The following SQOR variants were observed in gnomAD, a reference collection of about 807,000 sequenced individuals.
SQOR encodes sulfide:quinone oxidoreductase, mitochondrial.
A neutral mutation model predicts 48.6 loss-of-function variants in SQOR; 39 were observed. That is an observed-to-expected ratio of 0.80 (90% confidence interval 0.62 to 1.05). The LOEUF is 1.05. Among genes scored for constraint, SQOR ranks in the 50% least tolerant of loss-of-function variants. The probability of loss-of-function intolerance (pLI) is 0.00; values close to 1 mark genes in which losing one functional copy is unlikely to be tolerated. For synonymous variants in SQOR, 220 were observed against 206.2 expected, an observed-to-expected ratio of 1.07 and a Z score of -0.57; for missense variants, 561 against 559.9, an observed-to-expected ratio of 1.00 and a Z score of -0.02.
intron 2 of SQOR, among the ~76,000 whole-genome samples, chr15:45,661,655 A>G (rs1053080384): frequency 6.6e-6 from 1 of 151,742 alleles, no homozygotes; most frequent in African/African-American, 2.4e-5. Flanking sequence ...GCACGTGCAT[A>G]TAACATGTAC....
At chr15:45,673,988 G>T (rs891425246) in intron 5 of SQOR, 187 bp downstream of exon 5, 1 of 626,200 alleles carries the variant, frequency 1.6e-6, no homozygotes, top group Non-Finnish European at 2.7e-6. Flanking sequence ...TGATCCAATT[G>T]CTTTAATAAA....
At chr15:45,690,866 G>A (rs1277581811) in intron 9 of SQOR, 107 bp from the exon 10 acceptor site, 4 of 942,208 alleles carry the variant, frequency 4.2e-6, no homozygotes, top group African/African-American at 3.2e-5. Flanking sequence ...TTTACGTGCT[G>A]ATGAACATGC....
At chr15:45,633,392 T>C (rs1894932679), upstream of SQOR, among the ~76,000 whole-genome samples, 1 of 152,148 alleles carries the variant, frequency 6.6e-6, no homozygotes, top group Non-Finnish European at 1.5e-5. Context: ...CAGAGTTATT[T>C]GCCATTTCAA....
At chr15:45,668,594 C>G (rs1889880437) in intron 3 of SQOR, among the ~76,000 whole-genome samples, 1 of 152,120 alleles carries the variant, frequency 6.6e-6, no homozygotes, top group Non-Finnish European at 1.5e-5. Flanking sequence ...GCTGAAGCTC[C>G]CGGATGCCAG....
intron 1 of SQOR, among the ~76,000 whole-genome samples, chr15:45,648,634 G>A (rs951422108): frequency 6.6e-6 from 1 of 152,216 alleles, no homozygotes; most frequent in African/African-American, 2.4e-5. Context: ...AGGAGGAGGA[G>A]GAGTTTTCCA....
chr15:45,659,859 C>T (rs1889689033), intron 2 of SQOR, among the ~76,000 whole-genome samples: 1 of 152,200 alleles, frequency 6.6e-6, no homozygotes. Flanking sequence ...TACAATTCAA[C>T]CCATGACACT....
At chr15:45,679,223 A>C (rs1297474976) in intron 6 of SQOR, among the ~76,000 whole-genome samples, 2 of 152,242 alleles carry the variant, frequency 1.3e-5, no homozygotes, top group Non-Finnish European at 2.9e-5. Context: ...ATTTCAAAAA[A>C]TCCACCAGAA....
intron 6 of SQOR, among the ~76,000 whole-genome samples, chr15:45,676,900 G>A (rs1006339727): frequency 2.6e-5 from 4 of 152,106 alleles, no homozygotes; most frequent in African/African-American, 9.7e-5. Context: ...AATTAGCTGG[G>A]CGTGGTGGCA....
chr15:45,669,590 A>G (rs1013772013), intron 3 of SQOR, among the ~76,000 whole-genome samples: 6 of 152,362 alleles, frequency 3.9e-5, no homozygotes, highest in South Asian at 2.1e-4. Context: ...GTGTAAACAC[A>G]TAGCTGTCTC....
chr15:45,646,458 T>C (rs765704888), intron 1 of SQOR, among the ~76,000 whole-genome samples: 14 of 152,228 alleles, frequency 9.2e-5, no homozygotes, highest in Non-Finnish European at 1.8e-4. Context: ...TGTAAAGTGA[T>C]ATCAATACTT....
At chr15:45,686,152 A>AAT (rs61545631) in intron 7 of SQOR, among the ~76,000 whole-genome samples, 40,266 of 149,922 alleles carry the variant, frequency 0.27, 5,746 homozygotes, top group African/African-American at 0.31. Flanking sequence ...GGCCTCATTT[A>AAT]ATATATATAT....
At chr15:45,672,309 G>A (rs966921392) in intron 4 of SQOR, among the ~76,000 whole-genome samples, 9 of 152,014 alleles carry the variant, frequency 5.9e-5, no homozygotes, top group Admixed American at 4.6e-4. Flanking sequence ...AGTACATAGT[G>A]AATATCCATT....
intron 1 of SQOR, among the ~76,000 whole-genome samples, chr15:45,655,681 C>CTTTTTT (rs60764234): frequency 2.8e-5 from 4 of 143,738 alleles, no homozygotes. Context: ...GAAAGTATAT[C>CTTTTTT]TTTTTTTTTT....
chr15:45,633,711 AAAG>A (rs1222025339), upstream of SQOR, among the ~76,000 whole-genome samples: 403 of 150,826 alleles, frequency 2.7e-3, 1 homozygote, highest in African/African-American at 8.6e-3. Flanking sequence ...AAAAAAAAAA[AAAG>A]AAGAAGAAGA....
intron 7 of SQOR, among the ~76,000 whole-genome samples, chr15:45,684,399 C>G (rs1890184161): frequency 6.6e-6 from 1 of 152,044 alleles, no homozygotes; most frequent in Non-Finnish European, 1.5e-5. Flanking sequence ...GATTCCAGGC[C>G]AGTTACCTTG....
At chr15:45,664,167 T>G (rs1349554629) in intron 3 of SQOR, among the ~76,000 whole-genome samples, 1 of 152,208 alleles carries the variant, frequency 6.6e-6, no homozygotes, top group Non-Finnish European at 1.5e-5. Flanking sequence ...ATAAGTTAAC[T>G]CTTCATCTTT....
chr15:45,688,336 G>T lies in SQOR; in HGVS notation c.1049-1G>T. Reference sequence around the variant, plus strand: ...TTCTGACTTTCCCATTTCTCTTATAGCTGCCCAGTCAGGAATACTTGATAG... The same window carrying T: ...TTCTGACTTTCCCATTTCTCTTATATCTGCCCAGTCAGGAATACTTGATAG... On this transcript the variant is annotated splice_acceptor_variant, in intron 7 of 9. Transcript: ENST00000260324. LOFTEE classifies it high-confidence loss of function. 2.5e-6 allele frequency: 4 copies of T among 1,593,808 alleles called. No homozygotes were observed. The highest frequency in any genetic ancestry group is 3.4e-6 in the Non-Finnish European group (4 of 1,173,664).
chr15:45,662,179 G>C, intron 3 of SQOR, 54 bp downstream of exon 3: 2 of 1,586,912 alleles, frequency 1.3e-6, no homozygotes, highest in Admixed American at 3.4e-5. Context: ...GTATTAATAT[G>C]CAGCCATCTT....
chr15:45,666,759 C>A, intron 3 of SQOR, among the ~76,000 whole-genome samples: 1 of 94,460 alleles, frequency 1.1e-5, no homozygotes, highest in Non-Finnish European at 2.1e-5. Context: ...CCTCTCTCCT[C>A]CCCTCCCCTT....
Sources: gnomAD v4.1 joint callset for allele counts (sites outside exome capture counted in the v4.1 genomes callset) on GRCh38, gnomAD v4.1.1 for gene constraint, MANE v1.5 for transcripts, NCBI Gene and HGNC (gene_info 2026-07-23, HGNC 2026-07-21) for gene names.